The following STIM1 variants were observed in gnomAD, a reference collection of about 807,000 sequenced individuals.
STIM1 encodes the protein stromal interaction molecule 1.
In STIM1, 25 loss-of-function variants were observed where a neutral mutation model predicts 74.7. The ratio of observed to expected loss-of-function variants is 0.33; its 90% CI spans 0.24 to 0.47. The LOEUF is 0.47. Ranked by LOEUF, STIM1 falls within the 20% of genes least tolerant of loss-of-function variation. STIM1 has a pLI of 1.00. For synonymous variants in STIM1, 328 were observed against 348.8 expected (o/e 0.94, Z 0.66); for missense variants, 728 against 920.8 (o/e 0.79, Z 2.71).
chr11:4,049,510 G>A (rs886360794), intron 3 of STIM1: 1 of 150,362 alleles, frequency 6.7e-6, no homozygotes. Flanking sequence ...TTTATTTTTT[G>A]TAGATATGTG....
At chr11:3,965,329 A>G (rs2093329338) in intron 1 of STIM1, among the ~76,000 whole-genome samples, 1 of 152,226 alleles carries the variant, frequency 6.6e-6, no homozygotes, top group South Asian at 2.1e-4. Context: ...CCTTTCTATC[A>G]TGGCACTTAG....
At chr11:4,032,920 G>A (rs1307502577) in intron 3 of STIM1, among the ~76,000 whole-genome samples, 1 of 152,152 alleles carries the variant, frequency 6.6e-6, no homozygotes, top group Non-Finnish European at 1.5e-5. Context: ...TTCTAGACAT[G>A]AAGTCCTTGC....
intron 2 of STIM1, among the ~76,000 whole-genome samples, chr11:3,980,401 C>G (rs1649467326): frequency 1.3e-5 from 2 of 152,066 alleles, no homozygotes; most frequent in Non-Finnish European, 2.9e-5. Flanking sequence ...TATAGCCACC[C>G]CAGACATGCT....
chr11:4,018,458 CAAAAAAA>C (rs1157096857), intron 2 of STIM1, among the ~76,000 whole-genome samples: 3 of 20,536 alleles, frequency 1.5e-4, no homozygotes, highest in Non-Finnish European at 4.1e-4. Flanking sequence ...GACTCCGTCT[CAAAAAAA>C]AAAAAAAAAA....
chr11:4,058,495 G>A (rs2094307884), intron 4 of STIM1, among the ~76,000 whole-genome samples: 5 of 152,338 alleles, frequency 3.3e-5, no homozygotes, highest in Admixed American at 3.3e-4. Context: ...GAGTAGTATA[G>A]AATTAAGTGC....
intron 11 of STIM1, among the ~76,000 whole-genome samples, chr11:4,085,113 C>T (rs915117727): frequency 6.6e-6 from 1 of 151,980 alleles, no homozygotes; most frequent in East Asian, 1.9e-4. Context: ...CCCTTTTCTT[C>T]CCAGTTTCCC....
chr11:3,926,877 A>T (rs528261337), intron 1 of STIM1, among the ~76,000 whole-genome samples: 1 of 152,288 alleles, frequency 6.6e-6, no homozygotes, highest in South Asian at 2.1e-4. Flanking sequence ...TACTTTAGGG[A>T]GTTGACAGAT....
intron 2 of STIM1, among the ~76,000 whole-genome samples, chr11:3,986,131 C>G (rs1171692870): frequency 6.6e-6 from 1 of 152,022 alleles, no homozygotes; most frequent in African/African-American, 2.4e-5. Flanking sequence ...AATTTACTAC[C>G]TAGAAAGGTC....
intron 5 of STIM1, among the ~76,000 whole-genome samples, chr11:4,067,195 C>T (rs915066171): frequency 4.6e-5 from 7 of 152,152 alleles, no homozygotes; most frequent in African/African-American, 1.7e-4. Flanking sequence ...GCTGAGGAAG[C>T]TGAGGTCTAG....
chr11:3,991,438 T>G (rs559783319), intron 2 of STIM1, among the ~76,000 whole-genome samples: 1 of 151,998 alleles, frequency 6.6e-6, no homozygotes, highest in South Asian at 2.1e-4. Context: ...CCCAAAGTGC[T>G]GGTATTACAG....
At chr11:4,023,463 A>T (rs191984817) in intron 2 of STIM1, among the ~76,000 whole-genome samples, 1 of 152,334 alleles carries the variant, frequency 6.6e-6, no homozygotes, top group Admixed American at 6.5e-5. Flanking sequence ...AAGTGTGATA[A>T]TTCATTGGTT....
intron 3 of STIM1, among the ~76,000 whole-genome samples, chr11:4,037,690 A>G (rs1352190031): frequency 6.6e-6 from 1 of 152,138 alleles, no homozygotes; most frequent in African/African-American, 2.4e-5. Context: ...GTAGGTGCAT[A>G]TAGTTGGGTC....
At chr11:3,956,948 A>G (rs184601257) in intron 1 of STIM1, among the ~76,000 whole-genome samples, 2 of 151,878 alleles carry the variant, frequency 1.3e-5, no homozygotes, top group Admixed American at 1.3e-4. Context: ...TGTGTCAGGC[A>G]CTGTACGAGT....
intron 1 of STIM1, among the ~76,000 whole-genome samples, chr11:3,936,598 C>T (rs2092934390): frequency 6.6e-6 from 1 of 152,120 alleles, no homozygotes; most frequent in African/African-American, 2.4e-5. Flanking sequence ...CTCCTAGGCT[C>T]ACATAACTGG....
Position 3,855,844 on chromosome 11 carries a change from C to G in STIM1, c.-427C>G, listed in dbSNP as rs10835206. The G allele has an allele frequency of 5.0e-6, 1 of 201,468 alleles. No homozygotes were observed. The highest frequency in any genetic ancestry group is 1.0e-5 in the Non-Finnish European group (1 of 95,726). The allele number at this position is 201,468 out of a possible 1,614,324, so 12.5% of individuals were successfully genotyped here. A position where few individuals can be genotyped will look rare whatever the true frequency, so the allele number is the denominator to read the frequency against. On this transcript the variant is annotated 5_prime_UTR_variant, in exon 1 of 13. Coordinates refer to ENST00000526596, the MANE Select transcript of STIM1 (RefSeq NM_001382567.1). ...GCCCTCCCCAGCTTCTGCTGCTCGCCGCTCTTCGGCAGGGCGAGGTCAGGT... is the reference window on the plus strand; with the variant it reads ...GCCCTCCCCAGCTTCTGCTGCTCGCGGCTCTTCGGCAGGGCGAGGTCAGGT...
At chr11:4,058,680 TA>T in intron 4 of STIM1, 2 of 569,116 alleles carry the variant, frequency 3.5e-6, no homozygotes, top group Non-Finnish European at 4.5e-6. Flanking sequence ...GTGGAGGTCA[TA>T]AAAAATTACA....
intron 1 of STIM1, chr11:3,892,595 A>G (rs1565103416): frequency 3.7e-6 from 6 of 1,602,574 alleles, no homozygotes; most frequent in East Asian, 2.2e-5. Context: ...TGCCATGGAC[A>G]AGATGCCAGG....
chr11:4,087,840 T>G (rs1439470810), intron 12 of STIM1, among the ~76,000 whole-genome samples: 1 of 150,160 alleles, frequency 6.7e-6, no homozygotes, highest in East Asian at 1.9e-4. Context: ...CTTGAGTGAC[T>G]GAGTGGACAT....
intron 2 of STIM1, among the ~76,000 whole-genome samples, chr11:4,016,154 G>T (rs1353114190): frequency 6.6e-6 from 1 of 152,196 alleles, no homozygotes; most frequent in Admixed American, 6.5e-5. Flanking sequence ...CAGCCTTTCT[G>T]TTCTGGTTTC....
Sources: allele counts gnomAD v4.1 joint callset (sites outside exome capture counted in the v4.1 genomes callset), GRCh38; gene constraint gnomAD v4.1.1; transcripts MANE v1.5; gene names NCBI Gene and HGNC (gene_info 2026-07-23, HGNC 2026-07-21).